FBXL17: variants seen among roughly 807,000 people sequenced by gnomAD.
FBXL17 encodes F-box/LRR-repeat protein 17.
In FBXL17, 22 loss-of-function variants were observed where a neutral mutation model predicts 66.2. The observed-to-expected ratio is 0.33, with a 90% confidence interval of 0.24 to 0.47. The LOEUF (loss-of-function observed/expected upper bound fraction) is 0.47. Among genes scored for constraint, FBXL17 ranks in the 20% least tolerant of loss-of-function variants. The pLI is 1.00. For missense variants in FBXL17, 878 were observed against 948.2 expected (o/e 0.93, Z 0.97); for synonymous variants, 474 against 400.5 (o/e 1.18, Z -2.19).
intron 7 of FBXL17, among the ~76,000 whole-genome samples, chr5:107,940,929 T>C (rs922568271): frequency 6.6e-6 from 1 of 152,188 alleles, no homozygotes; most frequent in Admixed American, 6.5e-5. Flanking sequence ...GGTTCCCATG[T>C]AATTCAAATA....
At chr5:108,115,989 C>G (rs1750232767) in intron 6 of FBXL17, among the ~76,000 whole-genome samples, 1 of 152,032 alleles carries the variant, frequency 6.6e-6, no homozygotes, top group African/African-American at 2.4e-5. Flanking sequence ...TGTTTTTAAG[C>G]TAAATAACCA....
intron 6 of FBXL17, among the ~76,000 whole-genome samples, chr5:108,104,086 A>G (rs1011192461): frequency 2.0e-5 from 3 of 152,136 alleles, no homozygotes; most frequent in Non-Finnish European, 4.4e-5. Flanking sequence ...CCCAAGCTAG[A>G]GTGCAGTGGC....
At chr5:108,090,349 A>C (rs1370082758) in intron 6 of FBXL17, among the ~76,000 whole-genome samples, 2 of 152,024 alleles carry the variant, frequency 1.3e-5, no homozygotes. Context: ...CATTGTGTGG[A>C]CCTTCCTTAG....
chr5:108,193,317 T>C (rs1028640676), intron 5 of FBXL17, among the ~76,000 whole-genome samples: 3 of 152,006 alleles, frequency 2.0e-5, no homozygotes, highest in African/African-American at 4.8e-5. Flanking sequence ...AAGGCAGTTA[T>C]AAGAAAACTG....
chr5:107,953,483 A>G (rs751566157), intron 7 of FBXL17, among the ~76,000 whole-genome samples: 1 of 152,022 alleles, frequency 6.6e-6, no homozygotes, highest in Non-Finnish European at 1.5e-5. Flanking sequence ...GGTGTAAGGA[A>G]AGGAACTAGA....
At chr5:108,204,538 T>C (rs1246724757) in intron 5 of FBXL17, among the ~76,000 whole-genome samples, 4 of 152,182 alleles carry the variant, frequency 2.6e-5, no homozygotes, top group East Asian at 1.9e-4. Context: ...TGATTTGATA[T>C]AAATAAACAC....
intron 6 of FBXL17, among the ~76,000 whole-genome samples, chr5:108,054,659 G>A (rs559786766): frequency 2.0e-4 from 30 of 152,252 alleles, no homozygotes; most frequent in African/African-American, 6.7e-4. Context: ...GGAATAGAGT[G>A]GTTATTATCT....
chr5:108,209,581 T>C lies in FBXL17; in HGVS notation c.1614+14540A>G, dbSNP rs537167089. On this transcript the variant is annotated intron_variant, in intron 5 of 8. Transcript: ENST00000542267. ...TATTGAGATAATCATGTGTTTTCTGTCATTGGTTCTGTTTATGTGATGAAT... is the reference window on the plus strand; with the variant it reads ...TATTGAGATAATCATGTGTTTTCTGCCATTGGTTCTGTTTATGTGATGAAT... Among the ~76,000 whole-genome samples, 44 of 152,238 alleles carry C rather than the reference T, an allele frequency of 2.9e-4. 1 individual carries two copies. Among genetic ancestry groups the C allele is most frequent in the Admixed American group, 9.2e-4 (14 of 15,276 alleles).
intron 6 of FBXL17, among the ~76,000 whole-genome samples, chr5:108,120,314 T>A (rs1750435301): frequency 6.6e-6 from 1 of 152,208 alleles, no homozygotes; most frequent in African/African-American, 2.4e-5. Context: ...TCTATTGTGT[T>A]TAATCTCACC....
intron 4 of FBXL17, among the ~76,000 whole-genome samples, chr5:108,309,815 A>C (rs1759030127): frequency 6.6e-6 from 1 of 152,046 alleles, no homozygotes; most frequent in African/African-American, 2.4e-5. Context: ...GTGTTTTCCA[A>C]GGTTTCTTTA....
chr5:108,152,474 G>A (rs1415264356), intron 6 of FBXL17, among the ~76,000 whole-genome samples: 1 of 152,090 alleles, frequency 6.6e-6, no homozygotes, highest in Non-Finnish European at 1.5e-5. Context: ...ACTGATAAGT[G>A]CATATACAGG....
At chr5:107,982,857 G>A (rs1752877567) in intron 7 of FBXL17, among the ~76,000 whole-genome samples, 2 of 152,152 alleles carry the variant, frequency 1.3e-5, no homozygotes, top group Admixed American at 1.3e-4. Context: ...AACAAAAGGA[G>A]TGGTTTCCAT....
chr5:107,946,897 C>G (rs753878398), intron 7 of FBXL17, among the ~76,000 whole-genome samples: 1 of 151,874 alleles, frequency 6.6e-6, no homozygotes, highest in Non-Finnish European at 1.5e-5. Flanking sequence ...TACTGGGTAG[C>G]GCACAGTGAC....
At chr5:108,335,794 A>C (rs1333941220) in intron 4 of FBXL17, among the ~76,000 whole-genome samples, 2 of 152,196 alleles carry the variant, frequency 1.3e-5, no homozygotes, top group Non-Finnish European at 2.9e-5. Flanking sequence ...AGTATATTAG[A>C]AAAATGTGAT....
intron 6 of FBXL17, among the ~76,000 whole-genome samples, chr5:108,058,539 C>T (rs569929517): frequency 1.3e-5 from 2 of 151,506 alleles, no homozygotes; most frequent in Non-Finnish European, 2.9e-5. Flanking sequence ...GGCTGGAGTA[C>T]AGTAGCCCAA....
intron 7 of FBXL17, among the ~76,000 whole-genome samples, chr5:107,898,937 T>A (rs967042576): frequency 1.3e-5 from 2 of 152,222 alleles, no homozygotes; most frequent in East Asian, 3.9e-4. Context: ...CATGTGCATG[T>A]GTCTTTATAA....
chr5:107,960,962 A>T (rs188924162), intron 7 of FBXL17, among the ~76,000 whole-genome samples: 1 of 152,244 alleles, frequency 6.6e-6, no homozygotes, highest in Non-Finnish European at 1.5e-5. Flanking sequence ...ATGCACAGGA[A>T]GTTACTGGGG....
intron 7 of FBXL17, among the ~76,000 whole-genome samples, chr5:107,922,585 T>G (rs1750361283): frequency 6.6e-6 from 1 of 152,210 alleles, no homozygotes; most frequent in African/African-American, 2.4e-5. Context: ...ATTGACGCTG[T>G]CTTTGTTTTT....
chr5:107,919,805 C>T (rs1233504294), intron 7 of FBXL17, among the ~76,000 whole-genome samples: 1 of 152,218 alleles, frequency 6.6e-6, no homozygotes, highest in South Asian at 2.1e-4. Context: ...CCCTGCCCTG[C>T]ATCATTTTTC....
Sources: gnomAD v4.1 joint callset for allele counts (sites outside exome capture counted in the v4.1 genomes callset) on GRCh38, gnomAD v4.1.1 for gene constraint, MANE v1.5 for transcripts, NCBI Gene and HGNC (gene_info 2026-07-23, HGNC 2026-07-21) for gene names.